PIK3C2G: variants seen among roughly 807,000 people sequenced by gnomAD.
The protein encoded by PIK3C2G is phosphatidylinositol-4-phosphate 3-kinase catalytic subunit type 2 gamma, also known as phosphatidylinositol 3-kinase C2 domain-containing subunit gamma.
In PIK3C2G, 168 loss-of-function variants were observed where a neutral mutation model predicts 181.1. The observed-to-expected ratio is 0.93, with a 90% CI of 0.82 to 1.05. The LOEUF (loss-of-function observed/expected upper bound fraction) is 1.05, where lower values mean the gene tolerates loss of function less well. PIK3C2G is among the 50% of genes least tolerant of loss of function. The pLI is 0.00. For missense variants in PIK3C2G, 1,869 were observed against 1,732.8 expected, an observed-to-expected ratio of 1.08 and a Z score of -1.40; for synonymous variants, 573 against 592.2, an observed-to-expected ratio of 0.97 and a Z score of 0.47.
chr12:18,302,418 G>A (rs1427775398), intron 5 of PIK3C2G, among the ~76,000 whole-genome samples: 2 of 152,176 alleles, frequency 1.3e-5, no homozygotes, highest in Non-Finnish European at 2.9e-5. Flanking sequence ...AGTGGTGGTG[G>A]TGCCATGCAA....
intron 8 of PIK3C2G, among the ~76,000 whole-genome samples, chr12:18,330,503 A>AT (rs1263738805): frequency 6.6e-6 from 1 of 152,078 alleles, no homozygotes; most frequent in African/African-American, 2.4e-5. Context: ...ATGTGGCAAT[A>AT]TTTCCTTCAG....
At chr12:18,531,760 G>T (rs906856694) in intron 24 of PIK3C2G, among the ~76,000 whole-genome samples, 1 of 152,120 alleles carries the variant, frequency 6.6e-6, no homozygotes, top group Non-Finnish European at 1.5e-5. Context: ...TATGTACCAT[G>T]TATTGTTTAA....
chr12:18,486,559 T>C (rs1257108924), intron 18 of PIK3C2G, among the ~76,000 whole-genome samples: 1 of 152,086 alleles, frequency 6.6e-6, no homozygotes, highest in African/African-American at 2.4e-5. Context: ...GGTAAAAAAT[T>C]GTTGATTTTG....
intron 6 of PIK3C2G, among the ~76,000 whole-genome samples, chr12:18,316,818 A>C (rs1257660530): frequency 6.6e-6 from 1 of 152,064 alleles, no homozygotes; most frequent in Non-Finnish European, 1.5e-5. Flanking sequence ...TTATGCAATA[A>C]GTATTTGCTA....
rs756457562 is a variant in PIK3C2G, at chr12:18,562,806, A to G, written c.3694A>G (p.Thr1232Ala). The G allele has an allele frequency of 2.9e-5, 46 of 1,608,008 alleles. No homozygotes were observed. Among genetic ancestry groups the G allele is most frequent in the Non-Finnish European group, 3.6e-5 (42 of 1,176,738 alleles). Residue 1232 changes from threonine to alanine, a missense_variant, in exon 27 of 33, where the codon ACT (threonine) becomes GCT (alanine). Coordinates refer to ENST00000538779, the MANE Select transcript of PIK3C2G (RefSeq NM_001288772.2). ...AAGCCCTGCCAAATCTACTTCACAG[A>G]CTTTTCCTCAGGAATCCTGTTTGCT... ...AISPAKSTSQ[T>A]FPQESCLLST...
At chr12:18,453,139 TTATC>T (rs1205786833) in intron 18 of PIK3C2G, among the ~76,000 whole-genome samples, 1 of 152,122 alleles carries the variant, frequency 6.6e-6, no homozygotes, top group Non-Finnish European at 1.5e-5. Context: ...TCTGCCTCAT[TTATC>T]TAATATTGAC....
chr12:18,256,764 C>A (rs751697056), upstream of PIK3C2G, among the ~76,000 whole-genome samples: 1 of 152,086 alleles, frequency 6.6e-6, no homozygotes, highest in Non-Finnish European at 1.5e-5. Context: ...TTCTAGCCTG[C>A]AATATCTGTG....
intron 29 of PIK3C2G, among the ~76,000 whole-genome samples, chr12:18,575,303 A>G (rs1185147998): frequency 6.6e-6 from 1 of 152,208 alleles, no homozygotes; most frequent in Admixed American, 6.5e-5. Flanking sequence ...ATCTAGAGCT[A>G]CTAAATCAGA....
upstream of PIK3C2G, among the ~76,000 whole-genome samples, chr12:18,245,561 A>C (rs1165415212): frequency 6.6e-6 from 1 of 152,088 alleles, no homozygotes; most frequent in Non-Finnish European, 1.5e-5. Flanking sequence ...GTTCCCATCT[A>C]AATTTTTTTA....
At chr12:18,409,705 G>C (rs1272905894) in intron 16 of PIK3C2G, among the ~76,000 whole-genome samples, 1 of 152,090 alleles carries the variant, frequency 6.6e-6, no homozygotes, top group Non-Finnish European at 1.5e-5. Context: ...TGAATGGAGA[G>C]GGTCTGTGAA....
At chr12:18,324,874 C>T (rs758906166) in intron 7 of PIK3C2G, among the ~76,000 whole-genome samples, 161 bp from the exon 8 acceptor site, 17 of 152,100 alleles carry the variant, frequency 1.1e-4, no homozygotes, top group African/African-American at 2.4e-4. Context: ...TTATAAGGCA[C>T]CCTTCTGAGA....
At chr12:18,470,594 A>G (rs1378068887) in intron 18 of PIK3C2G, among the ~76,000 whole-genome samples, 2 of 152,120 alleles carry the variant, frequency 1.3e-5, no homozygotes, top group East Asian at 1.9e-4. Flanking sequence ...TCTCAAACCT[A>G]TTTGACCTAT....
At chr12:18,343,239 T>G in intron 9 of PIK3C2G, 88 bp from the exon 10 acceptor site, 2 of 708,452 alleles carry the variant, frequency 2.8e-6, no homozygotes, top group Non-Finnish European at 2.4e-6. Flanking sequence ...ACAAAGAAAT[T>G]ATAATGTTTA....
intron 31 of PIK3C2G, among the ~76,000 whole-genome samples, chr12:18,623,528 T>C (rs1289882837): frequency 6.6e-6 from 1 of 151,780 alleles, no homozygotes; most frequent in Non-Finnish European, 1.5e-5. Flanking sequence ...GAGTTTTTTG[T>C]GGTTCCACGT....
chr12:18,490,381 A>G (rs920164291), intron 19 of PIK3C2G, among the ~76,000 whole-genome samples: 1 of 152,166 alleles, frequency 6.6e-6, no homozygotes, highest in African/African-American at 2.4e-5. Flanking sequence ...TTGGGCTCAA[A>G]AAGTTTCTTT....
In PIK3C2G at chr12:18,525,926, A is replaced by G. The variant is rs116422537; in HGVS notation, c.3324-12230A>G. Among the ~76,000 whole-genome samples, 519 of 152,308 alleles carry G rather than the reference A, an allele frequency of 3.4e-3. 2 individuals are homozygous for G. Among genetic ancestry groups the G allele is most frequent in the African/African-American group, 0.012 (480 of 41,560 alleles). ...TATCACAACGTTGTTTAAACACTCT[A>G]TAAGTTTTATCCCAATAGACAACAA... is the stretch of plus-strand genomic sequence containing the variant. On this transcript the variant is annotated intron_variant, in intron 24 of 32. Coordinates refer to ENST00000538779, the MANE Select transcript of PIK3C2G (RefSeq NM_001288772.2).
At chr12:18,516,965 A>G (rs1942591493) in intron 24 of PIK3C2G, among the ~76,000 whole-genome samples, 1 of 148,680 alleles carries the variant, frequency 6.7e-6, no homozygotes, top group South Asian at 2.1e-4. Flanking sequence ...TAGAACTTCA[A>G]TTTTTCTGTG....
At chr12:18,516,960 CT>C (rs1261699944) in intron 24 of PIK3C2G, among the ~76,000 whole-genome samples, 1 of 150,716 alleles carries the variant, frequency 6.6e-6, no homozygotes, top group Non-Finnish European at 1.5e-5. Context: ...TTTTATAGAA[CT>C]TCAATTTTTC....
At chr12:18,715,524 C>T in the PIK3C2G span, among the ~76,000 whole-genome samples, 3 of 151,944 alleles carry the variant, frequency 2.0e-5, no homozygotes, top group Non-Finnish European at 4.4e-5. Flanking sequence ...GCCTCAGCCC[C>T]CTGAGTAGCT....
Sources: gnomAD v4.1 joint callset for allele counts (sites outside exome capture counted in the v4.1 genomes callset) on GRCh38, gnomAD v4.1.1 for gene constraint, MANE v1.5 for transcripts, NCBI Gene and HGNC (gene_info 2026-07-23, HGNC 2026-07-21) for gene names.